MAGI2: variants seen among roughly 807,000 people sequenced by gnomAD.
MAGI2 encodes the protein membrane-associated guanylate kinase, WW and PDZ domain-containing protein 2.
A neutral mutation model predicts 133.3 loss-of-function variants in MAGI2; 35 were observed. The observed-to-expected ratio is 0.26, with a 90% CI of 0.20 to 0.35. The LOEUF is 0.35. Ranked by LOEUF, MAGI2 falls within the 10% of genes least tolerant of loss-of-function variation. The probability of loss-of-function intolerance (pLI) is 1.00; values close to 1 mark genes in which losing one functional copy is unlikely to be tolerated. For missense variants in MAGI2, 1,636 were observed against 1,863.4 expected (o/e 0.88, Z 2.25); for synonymous variants, 729 against 710.6 (o/e 1.03, Z -0.41).
At chr7:78,059,057 T>A (rs1450374602) in intron 21 of MAGI2, among the ~76,000 whole-genome samples, 1 of 152,212 alleles carries the variant, frequency 6.6e-6, no homozygotes, top group Non-Finnish European at 1.5e-5. Context: ...CTGTTTTTAG[T>A]TTCTCATTAC....
At chr7:78,898,719 T>C (rs1359270441) in intron 2 of MAGI2, among the ~76,000 whole-genome samples, 1 of 152,062 alleles carries the variant, frequency 6.6e-6, no homozygotes, top group Non-Finnish European at 1.5e-5. Flanking sequence ...CTTAATATCC[T>C]GGTGATGAAA....
At chr7:79,367,285 T>G (rs767344246) in intron 1 of MAGI2, among the ~76,000 whole-genome samples, 2 of 152,238 alleles carry the variant, frequency 1.3e-5, no homozygotes, top group Admixed American at 1.3e-4. Context: ...CATTTGACAT[T>G]GGCCAATTCT....
intron 2 of MAGI2, among the ~76,000 whole-genome samples, chr7:78,950,730 G>C (rs1801800462): frequency 6.6e-6 from 1 of 152,114 alleles, no homozygotes. Context: ...ATAGTGATTT[G>C]CTTATGTAAA....
chr7:78,798,720 A>T (rs1051689120), intron 2 of MAGI2, among the ~76,000 whole-genome samples: 3 of 152,124 alleles, frequency 2.0e-5, no homozygotes, highest in African/African-American at 7.2e-5. Flanking sequence ...CACAGCTATT[A>T]AACAATAATT....
chr7:78,704,379 C>A (rs541997523), intron 2 of MAGI2, among the ~76,000 whole-genome samples: 1 of 152,228 alleles, frequency 6.6e-6, no homozygotes. Flanking sequence ...TACCATCTCA[C>A]ACCAGTCAGG....
At chr7:78,903,731 A>AGT (rs57469274) in intron 2 of MAGI2, among the ~76,000 whole-genome samples, 11,658 of 150,792 alleles carry the variant, frequency 0.077, 1,376 homozygotes, top group African/African-American at 0.26. Flanking sequence ...CAAAGGCAAA[A>AGT]GTGTGTGTGT....
At chr7:79,215,557 T>C (rs920305428) in intron 1 of MAGI2, among the ~76,000 whole-genome samples, 1 of 151,968 alleles carries the variant, frequency 6.6e-6, no homozygotes. Context: ...TGATTCCAGG[T>C]CTTTAGATAA....
intron 2 of MAGI2, among the ~76,000 whole-genome samples, chr7:78,943,894 T>C (rs924012708): frequency 2.6e-5 from 4 of 152,230 alleles, no homozygotes; most frequent in Admixed American, 6.5e-5. Flanking sequence ...TGCTAGGCAC[T>C]ATAAATGTTT....
intron 1 of MAGI2, among the ~76,000 whole-genome samples, chr7:79,335,256 A>C (rs1840358068): frequency 6.6e-6 from 1 of 152,132 alleles, no homozygotes; most frequent in East Asian, 1.9e-4. Context: ...TTAGCAGAGC[A>C]GAGCGTTTAG....
At chr7:79,315,896 G>C (rs80064096) in intron 1 of MAGI2, among the ~76,000 whole-genome samples, 2,078 of 152,254 alleles carry the variant, frequency 0.014, 51 homozygotes, top group African/African-American at 0.047. Flanking sequence ...AAATGAAGGA[G>C]GAGTGGGAAA....
Position 78,256,251 on chromosome 7 carries a change from C to A in MAGI2, c.1739G>T (p.Gly580Val), listed in dbSNP as rs1437089505. 6 of 1,614,028 alleles carry A rather than the reference C, an allele frequency of 3.7e-6. No individual in the cohort carries two copies. The highest frequency in any genetic ancestry group is 4.2e-6 in the Non-Finnish European group (5 of 1,179,978). ...ATCATGGACGGGCGGTGGATACGTG[C>A]CGTCTAGCTGACCATCAGTTGGCAT... ...HSMPTDGQLDGTYPPPVHDDN... is the reference protein window; with the variant it reads ...HSMPTDGQLDVTYPPPVHDDN... The change falls in exon 10 of 22, where the codon GGC (glycine) becomes GTC (valine). Residue 580 changes from glycine (G) to valine (V), a missense_variant. Around this residue, in one of 5 missense-constraint regions of MAGI2, gnomAD observed 920 missense variants for 1,093.5 expected, o/e 0.84. Coordinates refer to ENST00000354212, the MANE Select transcript of MAGI2 (RefSeq NM_012301.4).
chr7:78,869,451 A>C (rs878895757), intron 2 of MAGI2, among the ~76,000 whole-genome samples: 1 of 152,194 alleles, frequency 6.6e-6, no homozygotes, highest in Admixed American at 6.5e-5. Flanking sequence ...ATGCCTTGCC[A>C]ATTATCCCAA....
chr7:79,411,598 G>C (rs995419125), intron 1 of MAGI2: 5 of 152,114 alleles, frequency 3.3e-5, no homozygotes, highest in African/African-American at 1.2e-4. Flanking sequence ...CAGTGAGAGA[G>C]AGTTCAGACT....
chr7:79,389,395 A>G (rs1002541471), intron 1 of MAGI2, among the ~76,000 whole-genome samples: 9 of 152,132 alleles, frequency 5.9e-5, no homozygotes, highest in Non-Finnish European at 1.0e-4. Flanking sequence ...AAAATAAAAT[A>G]TACTTGAAAG....
At chr7:78,623,936 A>G (rs1347188836) in intron 3 of MAGI2, among the ~76,000 whole-genome samples, 1 of 152,124 alleles carries the variant, frequency 6.6e-6, no homozygotes, top group Non-Finnish European at 1.5e-5. Flanking sequence ...GGATGTTAGT[A>G]TAACAAAACC....
At chr7:78,248,305 G>T (rs1373122562) in intron 10 of MAGI2, among the ~76,000 whole-genome samples, 2 of 152,160 alleles carry the variant, frequency 1.3e-5, no homozygotes, top group Non-Finnish European at 2.9e-5. Flanking sequence ...AACATTCACT[G>T]ATAAGGGCAA....
intron 2 of MAGI2, among the ~76,000 whole-genome samples, chr7:78,663,680 T>C (rs2151049136): frequency 6.6e-6 from 1 of 152,348 alleles, no homozygotes; most frequent in South Asian, 2.1e-4. Flanking sequence ...TGTCAATGGG[T>C]AAATTTCACT....
chr7:78,890,420 A>G (rs1045708830), intron 2 of MAGI2, among the ~76,000 whole-genome samples: 2 of 152,226 alleles, frequency 1.3e-5, no homozygotes, highest in African/African-American at 4.8e-5. Flanking sequence ...TTAACAGAAT[A>G]TACATTCTTT....
At chr7:78,309,611 G>A (rs1021918223) in intron 9 of MAGI2, among the ~76,000 whole-genome samples, 1 of 151,930 alleles carries the variant, frequency 6.6e-6, no homozygotes, top group Non-Finnish European at 1.5e-5. Flanking sequence ...TACCCCAAAC[G>A]TCAGTGTCAC....
Sources: allele counts gnomAD v4.1 joint callset (sites outside exome capture counted in the v4.1 genomes callset), GRCh38; gene constraint gnomAD v4.1.1; regional missense constraint gnomAD v4.1.1; transcripts MANE v1.5; gene names NCBI Gene and HGNC (gene_info 2026-07-23, HGNC 2026-07-21).